The following ARHGAP26 variants were observed in gnomAD, a reference collection of about 807,000 sequenced individuals.
The protein encoded by ARHGAP26 is Rho GTPase activating protein 26, also known as rho GTPase-activating protein 26.
In ARHGAP26, 38 loss-of-function variants were observed where a neutral mutation model predicts 104.8. The observed-to-expected ratio is 0.36, with a 90% CI of 0.28 to 0.48. The LOEUF is 0.48. Among genes scored for constraint, ARHGAP26 ranks in the 20% least tolerant of loss-of-function variants. ARHGAP26 has a pLI of 0.99. For missense variants in ARHGAP26, 704 were observed against 947.9 expected (o/e 0.74, Z 3.38); for synonymous variants, 341 against 340.0 (o/e 1.00, Z -0.03).
At chr5:142,942,470 A>G (rs1056354716) in intron 11 of ARHGAP26, among the ~76,000 whole-genome samples, 6 of 152,242 alleles carry the variant, frequency 3.9e-5, no homozygotes, top group Non-Finnish European at 8.8e-5. Context: ...GTGTGCCTAT[A>G]CAGTAATGCT....
At chr5:142,863,263 A>G (rs150981773) in intron 1 of ARHGAP26, among the ~76,000 whole-genome samples, 4,385 of 152,146 alleles carry the variant, frequency 0.029, 184 homozygotes, top group African/African-American at 0.087. Context: ...GGTGCCCACC[A>G]CCAAGCCCAG....
intron 6 of ARHGAP26, among the ~76,000 whole-genome samples, chr5:142,899,208 G>C (rs1759917388): frequency 6.6e-6 from 1 of 152,170 alleles, no homozygotes; most frequent in African/African-American, 2.4e-5. Context: ...CCCATGTAAA[G>C]ACCCTATTTC....
chr5:142,865,050 C>G (rs760896909), intron 1 of ARHGAP26, among the ~76,000 whole-genome samples: 1 of 152,330 alleles, frequency 6.6e-6, no homozygotes, highest in South Asian at 2.1e-4. Context: ...GAAATGTCCA[C>G]AGTCTTCCTT....
chr5:142,898,607 C>T (rs1011889318), intron 6 of ARHGAP26, among the ~76,000 whole-genome samples: 9 of 152,084 alleles, frequency 5.9e-5, no homozygotes, highest in Non-Finnish European at 1.0e-4. Context: ...CCTTCTAACA[C>T]GTCAGTCTGA....
At chr5:142,873,330 T>A (rs1364283736) in intron 1 of ARHGAP26, 70 bp from the exon 2 acceptor site, 2 of 1,160,758 alleles carry the variant, frequency 1.7e-6, no homozygotes, top group African/African-American at 3.1e-5. Flanking sequence ...GAAGGACCAA[T>A]AAGGGCAGCA....
chr5:142,882,357 G>T (rs1208968705), intron 4 of ARHGAP26, among the ~76,000 whole-genome samples: 2 of 152,150 alleles, frequency 1.3e-5, no homozygotes, highest in African/African-American at 4.8e-5. Flanking sequence ...GAACAAGGTT[G>T]GTCATGTAGT....
At chr5:142,839,390 G>T (rs1429052422) in intron 1 of ARHGAP26, among the ~76,000 whole-genome samples, 1 of 151,714 alleles carries the variant, frequency 6.6e-6, no homozygotes, top group African/African-American at 2.4e-5. Context: ...TTCTTTTACA[G>T]ATATAGGAAG....
rs991774878 is a variant in ARHGAP26 at position 143,110,914 on chromosome 5, C to T, written c.1539-10074C>T. On this transcript the variant is annotated intron_variant, in intron 17 of 22. Transcript: ENST00000645722. ...GATAGGTGAAAGCTAATCAGTTAAC[C>T]CCTGGATCTAAGGAATGTGTTTTCC... is the stretch of plus-strand genomic sequence containing the variant. 3.3e-5 allele frequency among the ~76,000 whole-genome samples: 5 copies of T among 152,164 alleles called. No individual in the cohort carries two copies. In the East Asian group the frequency reaches 7.7e-4, roughly 23 times the overall value.
chr5:142,988,152 T>C (rs991323021), intron 11 of ARHGAP26, among the ~76,000 whole-genome samples: 5 of 151,720 alleles, frequency 3.3e-5, no homozygotes, highest in Non-Finnish European at 5.9e-5. Flanking sequence ...TAGGCTATTA[T>C]TGCCTCAATT....
At chr5:143,183,101 A>T (rs7705069) in intron 20 of ARHGAP26, among the ~76,000 whole-genome samples, 26,236 of 147,396 alleles carry the variant, frequency 0.18, 2,168 homozygotes, top group African/African-American at 0.25. Flanking sequence ...AGAAAAAAAA[A>T]CCTCATTTCC....
intron 21 of ARHGAP26, among the ~76,000 whole-genome samples, chr5:143,209,478 C>T (rs1384375593): frequency 1.3e-5 from 2 of 152,062 alleles, no homozygotes; most frequent in African/African-American, 4.8e-5. Flanking sequence ...AGGAAGCTGC[C>T]CTCTTGAAAT....
At chr5:143,128,357 A>G (rs561137523) in intron 18 of ARHGAP26, among the ~76,000 whole-genome samples, 1 of 152,228 alleles carries the variant, frequency 6.6e-6, no homozygotes, top group African/African-American at 2.4e-5. Context: ...GGAAAATCAC[A>G]GCTCTCCATG....
intron 21 of ARHGAP26, among the ~76,000 whole-genome samples, chr5:143,209,503 G>T (rs1348800111): frequency 1.3e-5 from 2 of 152,022 alleles, no homozygotes; most frequent in African/African-American, 4.8e-5. Flanking sequence ...AAGGCAGGCC[G>T]GGCACAGTGG....
At chr5:142,895,961 G>T (rs913283177) in intron 6 of ARHGAP26, among the ~76,000 whole-genome samples, 11 of 151,952 alleles carry the variant, frequency 7.2e-5, no homozygotes, top group Non-Finnish European at 4.4e-5. Context: ...AATTACTTCA[G>T]TCTCCATATA....
At chr5:142,938,745 A>T (rs1259361983) in intron 11 of ARHGAP26, among the ~76,000 whole-genome samples, 1 of 152,160 alleles carries the variant, frequency 6.6e-6, no homozygotes, top group Non-Finnish European at 1.5e-5. Context: ...TTAAAACTGC[A>T]TTTCCATATA....
intron 19 of ARHGAP26, among the ~76,000 whole-genome samples, chr5:143,144,599 G>T (rs543925276): frequency 6.6e-6 from 1 of 151,884 alleles, no homozygotes; most frequent in East Asian, 1.9e-4. Context: ...TAGAGATGGG[G>T]GTCTCACTGT....
intron 1 of ARHGAP26, among the ~76,000 whole-genome samples, chr5:142,793,794 G>A (rs938414918): frequency 6.6e-6 from 1 of 152,068 alleles, no homozygotes; most frequent in East Asian, 1.9e-4. Flanking sequence ...CTCCATGTTG[G>A]CCAGGCTGGT....
chr5:143,060,516 A>T (rs1010700221), intron 17 of ARHGAP26, among the ~76,000 whole-genome samples: 7 of 152,154 alleles, frequency 4.6e-5, no homozygotes, highest in Non-Finnish European at 8.8e-5. Context: ...GTACATCCAA[A>T]TCACAGAGAT....
In ARHGAP26 at chr5:143,017,268, C is replaced by T. The variant is rs183213599; in HGVS notation, c.1144+3152C>T. On this transcript the variant is annotated intron_variant, in intron 12 of 22. Coordinates refer to ENST00000645722, the MANE Select transcript of ARHGAP26 (RefSeq NM_001135608.3). ...TTTGCTTTCATCTCGAAGTTTCTCT[C>T]AGGGCATACGGTGCCTGTGGAGTAT... Among the ~76,000 whole-genome samples, 317 of 152,358 alleles carry T rather than the reference C, an allele frequency of 2.1e-3. 1 individual carries two copies. Among genetic ancestry groups the T allele is most frequent in the Admixed American group, 4.2e-3 (65 of 15,310 alleles).
Sources: allele counts gnomAD v4.1 joint callset (sites outside exome capture counted in the v4.1 genomes callset), GRCh38; gene constraint gnomAD v4.1.1; transcripts MANE v1.5; gene names NCBI Gene and HGNC (gene_info 2026-07-23, HGNC 2026-07-21).